Variants in ANK3 observed in about 807,000 individuals in gnomAD.
ANK3 encodes the protein ankyrin-3.
Under a neutral mutation model 370.9 loss-of-function variants are expected in ANK3, and 57 were observed. The observed-to-expected ratio is 0.15, with a 90% CI of 0.12 to 0.19. The LOEUF (loss-of-function observed/expected upper bound fraction) is 0.19, where lower values mean the gene tolerates loss of function less well. Among genes scored for constraint, ANK3 ranks in the 10% least tolerant of loss-of-function variants. ANK3 has a pLI of 1.00. For missense variants in ANK3, 4,439 were observed against 5,302.1 expected, an observed-to-expected ratio of 0.84 and a Z score of 5.06; for synonymous variants, 1,929 against 1,946.3, an observed-to-expected ratio of 0.99 and a Z score of 0.23.
In ANK3 at chr10:60,069,926, C is replaced by T; in HGVS notation, c.10955G>A (p.Ser3652Asn). 2 of 1,613,960 alleles carry T rather than the reference C, an allele frequency of 1.2e-6. No individual in the cohort carries two copies. The highest frequency in any genetic ancestry group is 1.7e-4 in the Middle Eastern group (1 of 6,060). ...KSGDQGEGDK[S>N]MVTATPQPQS... ...TGGCTGTGGTGTGGCAGTGACCATA[C>T]TTTTATCCCCTTCCCCCTGGTCCCC... The change falls in exon 37 of 44, where the codon AGT becomes AAT. Residue 3652 changes from serine to asparagine, a missense_variant. By Grantham distance (46) the Ser-to-Asn change is conservative. Transcript: ENST00000280772.
intron 43 of ANK3, among the ~76,000 whole-genome samples, chr10:60,038,122 C>T (rs1323183733): frequency 2.6e-5 from 4 of 152,188 alleles, no homozygotes; most frequent in Non-Finnish European, 4.4e-5. Context: ...CGTGGCTGGG[C>T]ACAGTGGCTC....
At chr10:60,533,578 T>C (rs2076656150) in intron 2 of ANK3, among the ~76,000 whole-genome samples, 1 of 151,890 alleles carries the variant, frequency 6.6e-6, no homozygotes, top group South Asian at 2.1e-4. Flanking sequence ...CAAGTGGAGG[T>C]TGAGGGTGAA....
chr10:60,569,549 A>G (rs2077542470), intron 2 of ANK3, among the ~76,000 whole-genome samples: 1 of 152,198 alleles, frequency 6.6e-6, no homozygotes, highest in Non-Finnish European at 1.5e-5. Context: ...AGAACAAAAC[A>G]CAGAAATTAT....
chr10:60,538,021 C>G (rs1213282188), intron 2 of ANK3, among the ~76,000 whole-genome samples: 1 of 151,924 alleles, frequency 6.6e-6, no homozygotes. Context: ...TTGAGCACAT[C>G]AAAAATAATT....
At position 60,075,438 on chromosome 10, in the gene ANK3, C is replaced by T. The variant is rs1589630328; in HGVS notation, c.5443G>A (p.Val1815Ile). The change falls in exon 37 of 44, where the codon GTA becomes ATA. Residue 1815 changes from valine (V) to isoleucine (I), a missense_variant. Val to Ile is a conservative substitution (Grantham distance 29, BLOSUM62 3). Around this residue, in one of 13 missense-constraint regions of ANK3, gnomAD observed 679 missense variants for 791.0 expected, o/e 0.86. Coordinates refer to ENST00000280772, the MANE Select transcript of ANK3 (RefSeq NM_020987.5). ...GGCACTGTTATAATTGATGAAGTTA[C>T]AGATGAGGTAGTTGCAGATATTGAC... ...GSSISATTSS[V>I]TSSIITVPVY... The T allele has an allele frequency of 3.7e-6, 6 of 1,612,946 alleles. No homozygotes were observed. The Admixed American group carries it at 1.0e-4, about 27-fold the overall frequency.
At chr10:60,444,126 T>G (rs1368952269) in intron 2 of ANK3, among the ~76,000 whole-genome samples, 1 of 152,162 alleles carries the variant, frequency 6.6e-6, no homozygotes, top group African/African-American at 2.4e-5. Context: ...GGATTGTGTT[T>G]ATTTTCTTCT....
chr10:60,395,594 T>C (rs61165145), intron 2 of ANK3, among the ~76,000 whole-genome samples: 12 of 116,162 alleles, frequency 1.0e-4, no homozygotes, highest in South Asian at 2.8e-4. Flanking sequence ...CTTTCTTTCT[T>C]TCTTTCTTTC....
At chr10:60,130,109 T>C (rs2132169433) in intron 25 of ANK3, among the ~76,000 whole-genome samples, 1 of 152,298 alleles carries the variant, frequency 6.6e-6, no homozygotes, top group South Asian at 2.1e-4. Flanking sequence ...CATGATAACC[T>C]GTAACAAAAC....
At chr10:60,058,133 A>G (rs2079570467) in intron 41 of ANK3, among the ~76,000 whole-genome samples, 1 of 152,220 alleles carries the variant, frequency 6.6e-6, no homozygotes, top group African/African-American at 2.4e-5. Context: ...GTCATTTGGT[A>G]GACATGATAC....
chr10:60,331,078 G>A (rs765845033), intron 1 of ANK3, among the ~76,000 whole-genome samples: 3 of 151,896 alleles, frequency 2.0e-5, no homozygotes, highest in East Asian at 1.9e-4. Flanking sequence ...GAGAAAACAC[G>A]GGCACAGGGA....
intron 7 of ANK3, among the ~76,000 whole-genome samples, chr10:60,236,894 T>C (rs2097342364): frequency 6.6e-6 from 1 of 152,254 alleles, no homozygotes; most frequent in Non-Finnish European, 1.5e-5. Context: ...TACTGAACTC[T>C]GCCATTGCAG....
intron 42 of ANK3, 118 bp from the exon 43 acceptor site, chr10:60,042,877 C>G: frequency 6.6e-7 from 1 of 1,526,142 alleles, no homozygotes. Context: ...AGCATTTTGT[C>G]ACTTCATGTC....
intron 23 of ANK3, among the ~76,000 whole-genome samples, chr10:60,153,460 G>A (rs1045525493): frequency 2.0e-5 from 3 of 152,188 alleles, no homozygotes; most frequent in African/African-American, 7.2e-5. Context: ...CTGGATAGAA[G>A]TGCTGTGGGA....
Position 60,389,681 on chromosome 10 carries a change from CA to C in ANK3, c.-144del, listed in dbSNP as rs1435586014. ...TAGAAGCAGGAAGATATTCACAATG[CA>C]AAGATGCTGGAGAAGCTGAAGCTTT... On this transcript the variant is annotated 5_prime_UTR_variant, in exon 1 of 44. Coordinates refer to ENST00000280772, the MANE Select transcript of ANK3 (RefSeq NM_020987.5). The C allele has an allele frequency of 3.4e-6, 5 of 1,460,378 alleles. No individual in the cohort carries two copies. Among genetic ancestry groups the C allele is most frequent in the Non-Finnish European group, 4.5e-6 (5 of 1,112,120 alleles). 90.5% of individuals were successfully genotyped at this position (1,460,378 alleles called of 1,614,324 possible). A position where few individuals can be genotyped will look rare whatever the true frequency, so the allele number is the denominator to read the frequency against.
At chr10:60,109,745 T>G (rs10740007) in intron 26 of ANK3, among the ~76,000 whole-genome samples, 104,094 of 152,092 alleles carry the variant, frequency 0.68, 36,200 homozygotes, top group East Asian at 0.92. Context: ...CTAAATAACA[T>G]AATTCTGTCA....
chr10:60,363,290 A>G (rs1005102787), intron 1 of ANK3, among the ~76,000 whole-genome samples: 1 of 152,186 alleles, frequency 6.6e-6, no homozygotes, highest in African/African-American at 2.4e-5. Flanking sequence ...AAACCGAAAT[A>G]GCACCAGCAG....
At chr10:60,530,159 T>A (rs1184549731) in intron 2 of ANK3, among the ~76,000 whole-genome samples, 4 of 152,142 alleles carry the variant, frequency 2.6e-5, no homozygotes, top group African/African-American at 9.6e-5. Flanking sequence ...TTCTGTTGGG[T>A]AGATTTTTAG....
intron 1 of ANK3, among the ~76,000 whole-genome samples, chr10:60,692,742 C>G (rs940706611): frequency 2.0e-5 from 3 of 152,164 alleles, no homozygotes; most frequent in Admixed American, 1.3e-4. Flanking sequence ...TTTTGAAAGT[C>G]AGATATTTCC....
At position 60,144,762 on chromosome 10, in the gene ANK3, G is replaced by T. The variant is rs2094729473; in HGVS notation, c.2615-5675C>A. On this transcript the variant is annotated intron_variant, in intron 23 of 43. Transcript: ENST00000280772. Reference sequence around the variant, plus strand: ...TAAATGATTATCAGGACTGTGGTGGGCCAAATAGGTGTGCCCTCATTCCTT... The same window carrying T: ...TAAATGATTATCAGGACTGTGGTGGTCCAAATAGGTGTGCCCTCATTCCTT... 3.9e-5 allele frequency among the ~76,000 whole-genome samples: 6 copies of T among 152,164 alleles called. No individual in the cohort carries two copies. The South Asian group carries it at 1.2e-3, about 32-fold the overall frequency.
Sources: gnomAD v4.1 joint callset for allele counts (sites outside exome capture counted in the v4.1 genomes callset) on GRCh38, gnomAD v4.1.1 for gene constraint, gnomAD v4.1.1 regional missense constraint, MANE v1.5 for transcripts, NCBI Gene and HGNC (gene_info 2026-07-23, HGNC 2026-07-21) for gene names.